Variants in CHMP4B observed in about 807,000 individuals in gnomAD.
CHMP4B encodes SNF7 homolog associated with Alix 1.
CHMP4B carries 1 observed loss-of-function variant against 25.1 expected under a neutral mutation model. That is an observed-to-expected ratio of 0.04 (90% CI 0.01 to 0.19). The LOEUF (loss-of-function observed/expected upper bound fraction) is 0.19, where lower values mean the gene tolerates loss of function less well. Ranked by LOEUF, CHMP4B falls within the 10% of genes least tolerant of loss-of-function variation. CHMP4B has a pLI of 1.00. For synonymous variants in CHMP4B, 101 were observed against 115.6 expected, an observed-to-expected ratio of 0.87 and a Z score of 0.81; for missense variants, 151 against 289.7, an observed-to-expected ratio of 0.52 and a Z score of 3.48.
At chr20:33,840,291 A>C (rs1192006971) in intron 1 of CHMP4B, among the ~76,000 whole-genome samples, 5 of 151,582 alleles carry the variant, frequency 3.3e-5, no homozygotes, top group African/African-American at 1.2e-4. Flanking sequence ...GAAGATGCAG[A>C]GATCCCCAGA....
At chr20:33,819,500 C>T (rs1300735676) in intron 1 of CHMP4B, among the ~76,000 whole-genome samples, 1 of 152,156 alleles carries the variant, frequency 6.6e-6, no homozygotes, top group African/African-American at 2.4e-5. Context: ...GATTTAAGTT[C>T]TTAACAAGAG....
intron 1 of CHMP4B, among the ~76,000 whole-genome samples, chr20:33,825,635 A>G (rs1286525776): frequency 1.3e-5 from 2 of 152,216 alleles, no homozygotes; most frequent in Admixed American, 6.5e-5. Context: ...GCTATACACT[A>G]GGGCATTTGT....
At chr20:33,830,935 T>TTTTTG (rs1979226091) in intron 1 of CHMP4B, among the ~76,000 whole-genome samples, 1 of 125,446 alleles carries the variant, frequency 8.0e-6, no homozygotes, top group African/African-American at 2.8e-5. Flanking sequence ...GGAACAGAGT[T>TTTTTG]TTTTTTTTTT....
rs1200497069 is a variant in CHMP4B, at chr20:33,844,933, G to A, written c.191-3534G>A. Among the ~76,000 whole-genome samples, 2 of 151,986 alleles carry A rather than the reference G, an allele frequency of 1.3e-5. 1 individual carries two copies. The highest frequency in any genetic ancestry group is 3.9e-4 in the East Asian group (2 of 5,184). ...GCCACCACACCCGGCTAATTTTTTT[G>A]TATTTTTAGTAGAGATGGGGTTTCA... On this transcript the variant is annotated intron_variant, in intron 1 of 4. Coordinates refer to ENST00000217402, the MANE Select transcript of CHMP4B (RefSeq NM_176812.5).
chr20:33,812,269 C>A (rs964024275), intron 1 of CHMP4B, among the ~76,000 whole-genome samples: 7 of 152,236 alleles, frequency 4.6e-5, no homozygotes, highest in Non-Finnish European at 7.3e-5. Context: ...GTTTCCCCAT[C>A]CGTCAGCCAG....
chr20:33,834,647 A>G (rs1979343227), intron 1 of CHMP4B, among the ~76,000 whole-genome samples: 1 of 151,906 alleles, frequency 6.6e-6, no homozygotes, highest in Non-Finnish European at 1.5e-5. Flanking sequence ...ACAAATTTTG[A>G]TATGTTGTGT....
In CHMP4B at chr20:33,853,671, C is replaced by T. The variant is rs879511547; in HGVS notation, c.*111C>T. 4.3e-5 allele frequency: 40 copies of T among 929,514 alleles called. No homozygotes were observed. The highest frequency in any genetic ancestry group is 6.6e-5 in the Non-Finnish European group (38 of 575,048). The allele number at this position is 929,514 out of a possible 1,614,324, so 57.6% of individuals were successfully genotyped here. ...TGGTGCAGGCAGGTTCCATCGCTTT[C>T]GACTCTCACTCCAAAGCAGTAGGGC... On this transcript the variant is annotated 3_prime_UTR_variant, in exon 5 of 5. Coordinates refer to ENST00000217402, the MANE Select transcript of CHMP4B (RefSeq NM_176812.5).
At chr20:33,821,162 G>A (rs1483094984) in intron 1 of CHMP4B, among the ~76,000 whole-genome samples, 5 of 152,088 alleles carry the variant, frequency 3.3e-5, no homozygotes, top group South Asian at 2.1e-4. Flanking sequence ...TGAGATGGGC[G>A]GATTACCTGA....
chr20:33,830,769 A>G (rs769293054), intron 1 of CHMP4B, among the ~76,000 whole-genome samples: 1 of 152,054 alleles, frequency 6.6e-6, no homozygotes, highest in Non-Finnish European at 1.5e-5. Context: ...AGGTCAGTCC[A>G]TAGCACTCCT....
In CHMP4B at chr20:33,811,604, A is replaced by G; in HGVS notation, c.136A>G (p.Lys46Glu). The G allele has an allele frequency of 6.2e-7, 1 of 1,613,984 alleles. No individual in the cohort carries two copies. Among genetic ancestry groups the G allele is most frequent in the South Asian group, 1.1e-5 (1 of 91,064 alleles). The change falls in exon 1 of 5, where the codon AAA (lysine) becomes GAA (glutamate). Residue 46 changes from lysine (K) to glutamate (E), a missense_variant. Around this residue, in one of 3 missense-constraint regions of CHMP4B, gnomAD observed 82 missense variants for 208.3 expected, o/e 0.39. Coordinates refer to ENST00000217402, the MANE Select transcript of CHMP4B (RefSeq NM_176812.5). ...LSKKQEFLEKKIEQELTAAKK... is the reference protein window; with the variant it reads ...LSKKQEFLEKEIEQELTAAKK... ...CAAGAAACAGGAGTTCCTGGAGAAGAAAATCGAGCAGGAGCTGACGGCCGC... is the reference window on the plus strand; with the variant it reads ...CAAGAAACAGGAGTTCCTGGAGAAGGAAATCGAGCAGGAGCTGACGGCCGC...
chr20:33,845,538 G>A (rs528854672), intron 1 of CHMP4B, among the ~76,000 whole-genome samples: 5 of 152,124 alleles, frequency 3.3e-5, no homozygotes, highest in Non-Finnish European at 7.4e-5. Context: ...GGCCAGGCTG[G>A]TCTTGAACTC....
intron 4 of CHMP4B, among the ~76,000 whole-genome samples, chr20:33,852,497 C>T (rs997036801): frequency 5.9e-5 from 9 of 151,906 alleles, no homozygotes; most frequent in Non-Finnish European, 1.3e-4. Context: ...CGGGGTTGTC[C>T]GGTGCACTGT....
intron 1 of CHMP4B, among the ~76,000 whole-genome samples, chr20:33,830,323 G>A (rs939301300): frequency 1.3e-5 from 2 of 152,200 alleles, no homozygotes; most frequent in Middle Eastern, 3.2e-3. Context: ...GGATACTGTG[G>A]CCAGGCTGAA....
At chr20:33,820,139 C>T (rs1256780991) in intron 1 of CHMP4B, among the ~76,000 whole-genome samples, 3 of 152,012 alleles carry the variant, frequency 2.0e-5, no homozygotes, top group Non-Finnish European at 4.4e-5. Flanking sequence ...GATAGCACCA[C>T]TGCACTCCAG....
chr20:33,811,701 C>A (rs764275596), intron 1 of CHMP4B, 43 bp downstream of exon 1: 5 of 1,591,130 alleles, frequency 3.1e-6, no homozygotes, highest in Admixed American at 3.5e-5. Flanking sequence ...GGGCTCCCCC[C>A]AGGCTCCCCG....
At chr20:33,848,698 C>T (rs1455140458) in intron 2 of CHMP4B, 54 bp downstream of exon 2, 39 of 1,590,300 alleles carry the variant, frequency 2.5e-5, no homozygotes, top group Non-Finnish European at 3.2e-5. Context: ...CGGAATGCCT[C>T]GTACCCAGGC....
chr20:33,824,019 C>T (rs1474258855), intron 1 of CHMP4B, among the ~76,000 whole-genome samples: 2 of 152,164 alleles, frequency 1.3e-5, no homozygotes, highest in African/African-American at 2.4e-5. Flanking sequence ...TATCAATAGA[C>T]AGAATCTTGT....
At chr20:33,828,112 CT>C (rs1276304622) in intron 1 of CHMP4B, among the ~76,000 whole-genome samples, 1 of 152,206 alleles carries the variant, frequency 6.6e-6, no homozygotes, top group Non-Finnish European at 1.5e-5. Flanking sequence ...CAAGTCTCCA[CT>C]AGTGACATTA....
chr20:33,836,690 A>G (rs1382942365), intron 1 of CHMP4B, among the ~76,000 whole-genome samples: 2 of 151,712 alleles, frequency 1.3e-5, no homozygotes, highest in Non-Finnish European at 2.9e-5. Context: ...ACTCTCATGA[A>G]CTCCAGCTGC....
Sources: allele counts gnomAD v4.1 joint callset (sites outside exome capture counted in the v4.1 genomes callset), GRCh38; gene constraint gnomAD v4.1.1; regional missense constraint gnomAD v4.1.1; transcripts MANE v1.5; gene names NCBI Gene and HGNC (gene_info 2026-07-23, HGNC 2026-07-21).